The following MFHAS1 variants were observed in gnomAD, a reference collection of about 807,000 sequenced individuals.
The protein encoded by MFHAS1 is malignant fibrous histiocytoma-amplified sequence 1.
Under a neutral mutation model 70.4 loss-of-function variants are expected in MFHAS1, and 50 were observed. The ratio of observed to expected loss-of-function variants is 0.71; its 90% CI spans 0.57 to 0.90. The LOEUF (loss-of-function observed/expected upper bound fraction) is 0.90. Among genes scored for constraint, MFHAS1 ranks in the 40% least tolerant of loss-of-function variants. The pLI, the probability that MFHAS1 is intolerant of heterozygous loss-of-function variation, is 0.00. For synonymous variants in MFHAS1, 952 were observed against 620.0 expected, an observed-to-expected ratio of 1.54 and a Z score of -7.96; for missense variants, 1,795 against 1,347.6, an observed-to-expected ratio of 1.33 and a Z score of -5.20.
intron 1 of MFHAS1, among the ~76,000 whole-genome samples, chr8:8,879,963 A>T (rs1809449801): frequency 6.6e-6 from 1 of 152,166 alleles, no homozygotes; most frequent in Non-Finnish European, 1.5e-5. Flanking sequence ...ATTTATCTTT[A>T]AAAAAAAGCT....
intron 1 of MFHAS1, among the ~76,000 whole-genome samples, chr8:8,833,412 T>C (rs758714847): frequency 2.0e-4 from 31 of 152,214 alleles, no homozygotes; most frequent in Admixed American, 4.6e-4. Flanking sequence ...GAGGATCGCT[T>C]GAGGCCAGGA....
At chr8:8,830,607 A>T (rs1294251114) in intron 1 of MFHAS1, among the ~76,000 whole-genome samples, 1 of 152,098 alleles carries the variant, frequency 6.6e-6, no homozygotes, top group Non-Finnish European at 1.5e-5. Context: ...ATCCTATCCT[A>T]TATATTTCTT....
intron 1 of MFHAS1, among the ~76,000 whole-genome samples, chr8:8,881,517 G>A (rs779963860): frequency 8.5e-5 from 13 of 152,058 alleles, no homozygotes; most frequent in Non-Finnish European, 1.0e-4. Context: ...CAGACCTCAC[G>A]CTCCTCACCA....
chr8:8,832,069 C>CAA (rs1807416059), intron 1 of MFHAS1, among the ~76,000 whole-genome samples: 1 of 151,416 alleles, frequency 6.6e-6, no homozygotes, highest in African/African-American at 2.4e-5. Context: ...CGCGCACACA[C>CAA]ACACACACAC....
At chr8:8,828,900 C>T (rs893743985) in intron 1 of MFHAS1, among the ~76,000 whole-genome samples, 90 of 152,140 alleles carry the variant, frequency 5.9e-4, no homozygotes, top group Non-Finnish European at 7.5e-4. Context: ...CTAGCTCAGT[C>T]CTTCATGTCT....
At chr8:8,825,945 T>C (rs960477594) in intron 1 of MFHAS1, among the ~76,000 whole-genome samples, 4 of 152,192 alleles carry the variant, frequency 2.6e-5, no homozygotes, top group East Asian at 1.9e-4. Context: ...CTATCTATTC[T>C]AGCCTCTCAT....
chr8:8,854,733 A>T (rs1421047427), intron 1 of MFHAS1, among the ~76,000 whole-genome samples: 4 of 152,172 alleles, frequency 2.6e-5, no homozygotes, highest in African/African-American at 9.7e-5. Flanking sequence ...TGACTAAATC[A>T]GAACATCACA....
At chr8:8,823,931 C>T (rs1807059650) in intron 1 of MFHAS1, among the ~76,000 whole-genome samples, 1 of 134,042 alleles carries the variant, frequency 7.5e-6, no homozygotes, top group Non-Finnish European at 1.6e-5. Context: ...TTACGCAGTT[C>T]TCTATCACAG....
chr8:8,820,560 G>C (rs1312619056), intron 1 of MFHAS1, among the ~76,000 whole-genome samples: 2 of 152,104 alleles, frequency 1.3e-5, no homozygotes, highest in Admixed American at 1.3e-4. Flanking sequence ...TTTTACGTAA[G>C]TAGACTAATA....
intron 1 of MFHAS1, among the ~76,000 whole-genome samples, chr8:8,799,071 A>G (rs540848060): frequency 4.6e-5 from 7 of 151,614 alleles, no homozygotes; most frequent in African/African-American, 1.7e-4. Flanking sequence ...AAAAAAAAAG[A>G]AAAGAAATTC....
At chr8:8,862,851 TCTGTGCAATTTTG>T (rs1194368070) in intron 1 of MFHAS1, among the ~76,000 whole-genome samples, 1 of 152,226 alleles carries the variant, frequency 6.6e-6, no homozygotes, top group East Asian at 1.9e-4. Context: ...TCTCATGCCT[TCTGTGCAATTTTG>T]CTGTGAACCT....
chr8:8,854,988 C>T (rs1303778855), intron 1 of MFHAS1, among the ~76,000 whole-genome samples: 2 of 152,152 alleles, frequency 1.3e-5, no homozygotes, highest in Non-Finnish European at 2.9e-5. Flanking sequence ...CAGCTCACTG[C>T]AGCCTCCATC....
chr8:8,799,288 T>C (rs1563179205), intron 1 of MFHAS1, among the ~76,000 whole-genome samples: 1 of 152,214 alleles, frequency 6.6e-6, no homozygotes, highest in African/African-American at 2.4e-5. Context: ...ATATACTGTA[T>C]TAATAATTAA....
At chr8:8,827,386 A>G (rs1807202017) in intron 1 of MFHAS1, among the ~76,000 whole-genome samples, 1 of 152,234 alleles carries the variant, frequency 6.6e-6, no homozygotes, top group Admixed American at 6.5e-5. Context: ...GCACTGGTCA[A>G]CTCAATATGT....
rs549782524 is a variant in MFHAS1, at chr8:8,857,085, G to C, written c.2998+32976C>G. 1.9e-4 allele frequency among the ~76,000 whole-genome samples: 29 copies of C among 151,124 alleles called. No homozygotes were observed. The South Asian group carries it at 6.1e-3, about 32-fold the overall frequency. Reference sequence around the variant, plus strand: ...GTGCAGAAGAAAACATCCTAGAGAGGCACTGCCAAATTCTAAAAAGAGTCT... The same window carrying C: ...GTGCAGAAGAAAACATCCTAGAGAGCCACTGCCAAATTCTAAAAAGAGTCT... On this transcript the variant is annotated intron_variant, in intron 1 of 2. Transcript: ENST00000276282.
chr8:8,891,778 G>C lies in MFHAS1; in HGVS notation c.1281C>G (p.His427Gln), dbSNP rs1195717593. The change falls in exon 1 of 3, where the codon CAC (histidine) becomes CAG (glutamine). Residue 427 changes from histidine (H) to glutamine (Q), a missense_variant. His to Gln is a conservative substitution (Grantham distance 24). Transcript: ENST00000276282. The surrounding 1 kb of genome is among the most constrained non-coding windows in gnomAD (Gnocchi z 5.4). ...CCTCCACTCTCTCCTCGGTGAGGCA[G>C]TGGCGCAGCAAAGTCTTTCCTGCAG... Reference protein sequence around the residue: ...HKAAGKTLLRHCLTEERVEGC... With the variant: ...HKAAGKTLLRQCLTEERVEGC... The C allele has an allele frequency of 2.5e-6, 4 of 1,613,406 alleles. No homozygotes were observed. The highest frequency in any genetic ancestry group is 3.4e-6 in the Non-Finnish European group (4 of 1,180,030).
chr8:8,890,839 G>A lies in MFHAS1; in HGVS notation c.2220C>T (p.Phe740=). ...LTRLIDILNV[F]FQRDPSLLLH... ...GCAGCAAAGAGGGATCCCTCTGGAA[G>A]AAGACATTGAGGATGTCGATGAGGC... Residue 740 remains phenylalanine, a synonymous_variant, in exon 1 of 3, where the codon TTC becomes TTT. Transcript: ENST00000276282. 6.2e-6 allele frequency: 10 copies of A among 1,614,242 alleles called. No individual in the cohort carries two copies. The highest frequency in any genetic ancestry group is 8.5e-6 in the Non-Finnish European group (10 of 1,180,048).
rs141885254 is a variant in MFHAS1 at position 8,890,945 on chromosome 8, G to A, written c.2114C>T (p.Ser705Phe). 21 of 1,613,956 alleles carry A rather than the reference G, an allele frequency of 1.3e-5. No homozygotes were observed. Among genetic ancestry groups the A allele is most frequent in the African/African-American group, 2.7e-5 (2 of 74,940 alleles). Residue 705 changes from serine to phenylalanine, a missense_variant, in exon 1 of 3, where the codon TCC becomes TTC. Physicochemically the swap from Ser to Phe is radical, Grantham distance 155. Transcript: ENST00000276282. ...TAGCTTGCCGCTCTCATGCAGGTAG[G>A]AGAGGGCACTCTGCAGTCGGTCCTC... ...LTEDRLQSAL[S>F]YLHESGKLLY...
At chr8:8,866,767 G>A (rs945685047) in intron 1 of MFHAS1, among the ~76,000 whole-genome samples, 14 of 152,200 alleles carry the variant, frequency 9.2e-5, no homozygotes, top group African/African-American at 2.2e-4. Flanking sequence ...TGAATGGGAC[G>A]GAAACGGTTC....
Sources: allele counts gnomAD v4.1 joint callset (sites outside exome capture counted in the v4.1 genomes callset), GRCh38; gene constraint gnomAD v4.1.1; non-coding constraint Gnocchi (gnomAD v3.1); transcripts MANE v1.5; gene names NCBI Gene and HGNC (gene_info 2026-07-23, HGNC 2026-07-21).